RIPK1: variants seen among roughly 807,000 people sequenced by gnomAD.
The protein encoded by RIPK1 is receptor-interacting serine/threonine-protein kinase 1.
RIPK1 carries 27 observed loss-of-function variants against 62.4 expected under a neutral mutation model. The ratio of observed to expected loss-of-function variants is 0.43; its 90% confidence interval spans 0.32 to 0.60. The LOEUF (loss-of-function observed/expected upper bound fraction) is 0.60. RIPK1 is among the 20% of genes least tolerant of loss of function. The pLI, the probability that RIPK1 is intolerant of heterozygous loss-of-function variation, is 0.07. For synonymous variants in RIPK1, 287 were observed against 303.2 expected (o/e 0.95, Z 0.55); for missense variants, 735 against 831.0 (o/e 0.88, Z 1.42).
intron 9 of RIPK1, among the ~76,000 whole-genome samples, chr6:3,106,633 A>G (rs1383117387): frequency 2.6e-5 from 4 of 152,262 alleles, no homozygotes; most frequent in East Asian, 3.8e-4. Context: ...GCATCTACCA[A>G]TGATACCCAC....
In RIPK1 at chr6:3,077,736, G is replaced by A. The variant is rs374664830; in HGVS notation, c.165-43G>A. 44 of 1,606,154 alleles carry A rather than the reference G, an allele frequency of 2.7e-5. No individual in the cohort carries two copies. The African/African-American group carries it at 3.2e-4, about 12-fold the overall frequency. On this transcript the variant is annotated intron_variant, in intron 2 of 10. Transcript: ENST00000259808. Reference sequence around the variant, plus strand: ...GAGGTGTGCACCAGGCTCTTGAGGCGCTGGCTCTGCCAGCCTCAGCATAGC... The same window carrying A: ...GAGGTGTGCACCAGGCTCTTGAGGCACTGGCTCTGCCAGCCTCAGCATAGC...
At chr6:3,065,628 G>A (rs539740914), upstream of RIPK1, among the ~76,000 whole-genome samples, 20 of 152,150 alleles carry the variant, frequency 1.3e-4, no homozygotes, top group African/African-American at 4.6e-4. Flanking sequence ...ACTGGGAACT[G>A]CAGCCTGGGG....
chr6:3,087,766 C>T (rs1004240253), intron 6 of RIPK1, among the ~76,000 whole-genome samples: 2 of 140,406 alleles, frequency 1.4e-5, no homozygotes, highest in Non-Finnish European at 3.1e-5. Flanking sequence ...GTCTCCATCT[C>T]CTGACCTTGT....
chr6:3,101,708 T>A (rs1465271192), intron 7 of RIPK1, among the ~76,000 whole-genome samples: 1 of 152,236 alleles, frequency 6.6e-6, no homozygotes, highest in East Asian at 1.9e-4. Flanking sequence ...TGGATAGGTT[T>A]TAAGAATATA....
chr6:3,090,304 C>G (rs1278661942), intron 7 of RIPK1, among the ~76,000 whole-genome samples: 1 of 152,130 alleles, frequency 6.6e-6, no homozygotes, highest in Non-Finnish European at 1.5e-5. Context: ...GCCCCCCTGC[C>G]AACTCTGGAA....
At position 3,109,807 on chromosome 6, in the gene RIPK1, C is replaced by A. The variant is rs1227364480; in HGVS notation, c.1577-996C>A. On this transcript the variant is annotated intron_variant, in intron 9 of 10. Coordinates refer to ENST00000259808, the MANE Select transcript of RIPK1 (RefSeq NM_001354930.2). ...CCAACTCCCCAGCTCCCCTCCCAGCCCCGGACAACCACCATTCTACTCTCT... is the reference window on the plus strand; with the variant it reads ...CCAACTCCCCAGCTCCCCTCCCAGCACCGGACAACCACCATTCTACTCTCT... 2.0e-5 allele frequency among the ~76,000 whole-genome samples: 3 copies of A among 152,298 alleles called. No homozygotes were observed. In the South Asian group the frequency reaches 6.2e-4, roughly 32 times the overall value.
intron 2 of RIPK1, 101 bp downstream of exon 2, chr6:3,077,088 T>A: frequency 9.0e-7 from 1 of 1,112,082 alleles, no homozygotes; most frequent in Non-Finnish European, 1.3e-6. Flanking sequence ...GTGGGTAGAG[T>A]GAGAGGGAGC....
At chr6:3,064,111 C>T (rs1340497494), upstream of RIPK1, 1 of 152,080 alleles carries the variant, frequency 6.6e-6, no homozygotes, top group African/African-American at 2.4e-5. Flanking sequence ...TGGCGAGCTT[C>T]AGGTCCACCG....
At chr6:3,064,866 G>C (rs919012388), upstream of RIPK1, among the ~76,000 whole-genome samples, 1 of 152,180 alleles carries the variant, frequency 6.6e-6, no homozygotes, top group Admixed American at 6.5e-5. Context: ...GGGGCAGGTG[G>C]AGAAGAAACC....
rs112979664 is a variant in RIPK1, at chr6:3,096,550, GTTTTTTTTTTTT to G, written c.915+6909_915+6920del. 5.1e-5 allele frequency among the ~76,000 whole-genome samples: 5 copies of G among 98,464 alleles called. No individual in the cohort carries two copies. In the South Asian group the frequency reaches 1.8e-3, roughly 36 times the overall value. 64.6% of individuals were successfully genotyped at this position (98,464 alleles called of 152,430 possible). ...AATGCAATCTCAACCAATATCTCAA[GTTTTTTTTTTTT>G]TTTTTTTTTTTTTTTGAGACAGAGT... is the stretch of plus-strand genomic sequence containing the variant. On this transcript the variant is annotated intron_variant, in intron 7 of 10. Coordinates refer to ENST00000259808, the MANE Select transcript of RIPK1 (RefSeq NM_001354930.2).
chr6:3,105,936 A>C lies in RIPK1; in HGVS notation c.1461A>C (p.Arg487Ser), dbSNP rs910352529. ...RPLDPGTAGP[R>S]VWYRPIPSHM... ...TGGATCCAGGAACAGCAGGTCCCAG[A>C]GTTTGGTACAGGCCAATTCCAAGTC... Residue 487 changes from arginine to serine, a missense_variant, in exon 9 of 11, where the codon AGA becomes AGC. Physicochemically the swap from Arg to Ser is moderately radical, Grantham distance 110. Coordinates refer to ENST00000259808, the MANE Select transcript of RIPK1 (RefSeq NM_001354930.2). The surrounding 1 kb of genome is among the most constrained non-coding windows in gnomAD (Gnocchi z 4.5). 3 of 1,614,138 alleles carry C rather than the reference A, an allele frequency of 1.9e-6. No individual in the cohort carries two copies. In the Admixed American group the frequency reaches 5.0e-5, roughly 27 times the overall value.
In RIPK1 at chr6:3,097,166, C is replaced by T. The variant is rs17548503; in HGVS notation, c.916-7059C>T. ...GATTACAGGTGTGAGCCACCACGCC[C>T]AGCCTATATCTCAACCTTTTAGTTT... is the stretch of plus-strand genomic sequence containing the variant. On this transcript the variant is annotated intron_variant, in intron 7 of 10. Transcript: ENST00000259808. Among the ~76,000 whole-genome samples the T allele has an allele frequency of 8.3e-3, 1,263 of 152,226 alleles. 17 individuals carry two copies. Among genetic ancestry groups the T allele is most frequent in the African/African-American group, 0.028 (1,156 of 41,526 alleles).
Position 3,076,852 on chromosome 6 carries a change from T to C in RIPK1, c.29T>C (p.Ile10Thr), listed in dbSNP as rs765723894. 1.2e-6 allele frequency: 2 copies of C among 1,613,122 alleles called. No homozygotes were observed. The highest frequency in any genetic ancestry group is 2.2e-5 in the South Asian group (2 of 91,006). Reference sequence around the variant, plus strand: ...CAACCAGACATGTCCTTGAATGTCATTAAGATGAAATCCAGTGACTTCCTG... The same window carrying C: ...CAACCAGACATGTCCTTGAATGTCACTAAGATGAAATCCAGTGACTTCCTG... MQPDMSLNV[I>T]KMKSSDFLES... Residue 10 changes from isoleucine to threonine, a missense_variant, in exon 2 of 11, where the codon ATT (isoleucine) becomes ACT (threonine). Ile to Thr is a moderately conservative substitution (Grantham distance 89). Transcript: ENST00000259808.
In RIPK1 at chr6:3,076,904, C is replaced by T. The variant is rs1292890551; in HGVS notation, c.81C>T (p.Gly27=). 6.2e-7 allele frequency: 1 copy of T among 1,611,142 alleles called. No individual in the cohort carries two copies. The highest frequency in any genetic ancestry group is 1.7e-5 in the Admixed American group (1 of 59,902). ...FLESAELDSG[G]FGKVSLCFHR... is the part of the protein sequence containing the mutation. ...AGAGTGCAGAACTGGACAGCGGAGG[C>T]TTTGGGAAGGTGTCTCTGTGTTTCC... The change falls in exon 2 of 11, where the codon GGC becomes GGT. Residue 27 remains glycine (G), a synonymous_variant. Transcript: ENST00000259808.
chr6:3,095,795 A>G (rs2113661137), intron 7 of RIPK1, among the ~76,000 whole-genome samples: 1 of 152,028 alleles, frequency 6.6e-6, no homozygotes, highest in African/African-American at 2.4e-5. Context: ...ATAATAAGGT[A>G]TCTTGAAACG....
chr6:3,094,925 C>T (rs1171315336), intron 7 of RIPK1, among the ~76,000 whole-genome samples: 2 of 151,922 alleles, frequency 1.3e-5, no homozygotes, highest in South Asian at 2.1e-4. Context: ...ATTAATGAGA[C>T]ATGGTGGCAT....
intron 4 of RIPK1, among the ~76,000 whole-genome samples, chr6:3,082,716 T>C (rs975861780): frequency 6.6e-6 from 1 of 152,168 alleles, no homozygotes; most frequent in African/African-American, 2.4e-5. Flanking sequence ...AAATAACCAT[T>C]TTCCCCCCAA....
rs115059110 is a variant in RIPK1 at position 3,099,876 on chromosome 6, G to A, written c.916-4349G>A. Among the ~76,000 whole-genome samples the A allele has an allele frequency of 4.0e-3, 604 of 152,288 alleles. 2 individuals carry two copies. Among genetic ancestry groups the A allele is most frequent in the African/African-American group, 0.014 (587 of 41,564 alleles). ...ACTCTCAGTAATCTATACTGCTCAC[G>A]TGCACTCAAAGATGTAGTTTCCATT... On this transcript the variant is annotated intron_variant, in intron 7 of 10. Coordinates refer to ENST00000259808, the MANE Select transcript of RIPK1 (RefSeq NM_001354930.2).
upstream of RIPK1, among the ~76,000 whole-genome samples, chr6:3,064,680 T>A (rs547756490): frequency 3.3e-5 from 5 of 152,170 alleles, no homozygotes; most frequent in East Asian, 5.8e-4. Flanking sequence ...GAGAACCTCC[T>A]CTAGGGTGGG....
Sources: gnomAD v4.1 joint callset for allele counts (sites outside exome capture counted in the v4.1 genomes callset) on GRCh38, gnomAD v4.1.1 for gene constraint, Gnocchi (gnomAD v3.1) non-coding constraint, MANE v1.5 for transcripts, NCBI Gene and HGNC (gene_info 2026-07-23, HGNC 2026-07-21) for gene names.